Variants in SDCBP observed in about 807,000 individuals in gnomAD.
SDCBP encodes syndecan binding protein.
SDCBP carries 22 observed loss-of-function variants against 30.5 expected under a neutral mutation model. The observed-to-expected ratio is 0.72, with a 90% CI of 0.52 to 1.03. The LOEUF (loss-of-function observed/expected upper bound fraction) is 1.03. SDCBP is among the 50% of genes least tolerant of loss of function. The pLI, the probability that SDCBP is intolerant of heterozygous loss-of-function variation, is 0.00. For missense variants in SDCBP, 304 were observed against 369.9 expected, an observed-to-expected ratio of 0.82 and a Z score of 1.46; for synonymous variants, 103 against 118.7, an observed-to-expected ratio of 0.87 and a Z score of 0.86.
chr8:58,561,849 C>A, intron 1 of SDCBP: 2 of 643,274 alleles, frequency 3.1e-6, no homozygotes, highest in Non-Finnish European at 5.5e-6. Flanking sequence ...GTTTAAGTGC[C>A]TGTAACTATA....
chr8:58,581,542 A>T, intron 8 of SDCBP, 144 bp from the exon 9 acceptor site: 1 of 640,022 alleles, frequency 1.6e-6, no homozygotes. Flanking sequence ...TTCTGGACTC[A>T]TTTAAAAGAT....
intron 1 of SDCBP, among the ~76,000 whole-genome samples, chr8:58,557,216 T>C (rs1351870711): frequency 3.1e-5 from 4 of 127,796 alleles, no homozygotes; most frequent in African/African-American, 1.3e-4. Context: ...TTATATTATT[T>C]ATATATTCCA....
In SDCBP at chr8:58,579,626, CT is replaced by C. The variant is rs1805561119; in HGVS notation, c.585del (p.Phe195LeufsTer24). On this transcript the variant is annotated frameshift_variant, in exon 7 of 9. Coordinates refer to ENST00000260130, the MANE Select transcript of SDCBP (RefSeq NM_005625.4). LOFTEE classifies it high-confidence loss of function. ...ATTGAACCAATTATGTTTGTAGGCC[CT>C]TTGAACGGACGATTACCATGCATAA... ...KITMTIRDRPFERTITMHKDS... is the reference protein window; with the variant it reads ...KITMTIRDRPXERTITMHKDS... 5 of 1,562,418 alleles carry C rather than the reference CT, an allele frequency of 3.2e-6. No homozygotes were observed. The highest frequency in any genetic ancestry group is 4.3e-6 in the Non-Finnish European group (5 of 1,154,408).
chr8:58,574,767 T>C (rs1805229801), intron 4 of SDCBP, among the ~76,000 whole-genome samples: 1 of 152,210 alleles, frequency 6.6e-6, no homozygotes, highest in South Asian at 2.1e-4. Context: ...TACAACTTGA[T>C]GTATTGATAA....
At chr8:58,580,417 C>A in intron 7 of SDCBP, 100 bp from the exon 8 acceptor site, 1 of 642,746 alleles carries the variant, frequency 1.6e-6, no homozygotes. Flanking sequence ...TTAGAAATAC[C>A]AAGACATATA....
At chr8:58,572,177 C>A in intron 3 of SDCBP, 28 bp from the exon 4 acceptor site, 1 of 1,401,668 alleles carries the variant, frequency 7.1e-7, no homozygotes, top group Non-Finnish European at 1.0e-6. Context: ...TCTGTAAGTG[C>A]TTTTTAATTT....
At chr8:58,562,234 G>A in intron 1 of SDCBP, among the ~76,000 whole-genome samples, 1 of 151,816 alleles carries the variant, frequency 6.6e-6, no homozygotes, top group Admixed American at 6.6e-5. Flanking sequence ...AGACATAGAG[G>A]GGATGAATGG....
intron 4 of SDCBP, among the ~76,000 whole-genome samples, chr8:58,574,731 T>G (rs1016125916): frequency 4.6e-5 from 7 of 152,090 alleles, no homozygotes; most frequent in Non-Finnish European, 8.8e-5. Context: ...AAATATAAAT[T>G]GTATATATTC....
At chr8:58,577,861 C>G (rs113521425) in intron 5 of SDCBP, 172 bp from the exon 6 acceptor site, 10 of 496,230 alleles carry the variant, frequency 2.0e-5, no homozygotes, top group African/African-American at 8.1e-5. Flanking sequence ...TTTTCAGTTT[C>G]TTTTGAGGTG....
rs114132411 is a variant in SDCBP at position 58,565,748 on chromosome 8, G to T, written c.51+664G>T. Among the ~76,000 whole-genome samples, 855 of 152,110 alleles carry T rather than the reference G, an allele frequency of 5.6e-3. 9 individuals carry two copies. The highest frequency in any genetic ancestry group is 0.02 in the African/African-American group (829 of 41,520). On this transcript the variant is annotated intron_variant, in intron 2 of 8. Coordinates refer to ENST00000260130, the MANE Select transcript of SDCBP (RefSeq NM_005625.4). ...ATTGGGACCAATTCTGGCTAATTGG[G>T]AAATTTTTGGTAATTATTTTAATTG...
intron 1 of SDCBP, among the ~76,000 whole-genome samples, chr8:58,555,561 T>A (rs1217014043): frequency 2.6e-5 from 4 of 152,148 alleles, no homozygotes; most frequent in Non-Finnish European, 4.4e-5. Flanking sequence ...GAAATCTGTG[T>A]CTGCCCAGGA....
chr8:58,579,286 C>G (rs1805535177), intron 6 of SDCBP, among the ~76,000 whole-genome samples: 2 of 151,958 alleles, frequency 1.3e-5, no homozygotes, highest in African/African-American at 4.8e-5. Flanking sequence ...TTATCTTTAC[C>G]ACTGTGATTT....
At chr8:58,581,159 G>C (rs1422729933) in intron 8 of SDCBP, among the ~76,000 whole-genome samples, 1 of 152,208 alleles carries the variant, frequency 6.6e-6, no homozygotes, top group Non-Finnish European at 1.5e-5. Flanking sequence ...ATCTACCATA[G>C]CTGTTTTTGT....
chr8:58,574,261 A>G (rs1170288502), intron 4 of SDCBP, among the ~76,000 whole-genome samples: 1 of 152,224 alleles, frequency 6.6e-6, no homozygotes, highest in African/African-American at 2.4e-5. Context: ...GAATATTTTT[A>G]ATTTAAAGGC....
chr8:58,570,979 T>TAG lies in SDCBP; in HGVS notation c.130+14_130+15insAG, dbSNP rs750781869. 1.3e-6 allele frequency: 2 copies of TAG among 1,564,842 alleles called. No individual in the cohort carries two copies. Among genetic ancestry groups the TAG allele is most frequent in the Non-Finnish European group, 1.8e-6 (2 of 1,136,120 alleles). ...CTCACGATGGAAGTAGGTTTATACT[T>TAG]TGAGTTCATTCTCTGTGAACAGAAA... is the stretch of plus-strand genomic sequence containing the variant. On this transcript the variant is annotated intron_variant, in intron 3 of 8. Transcript: ENST00000260130.
intron 1 of SDCBP, among the ~76,000 whole-genome samples, chr8:58,557,308 TTA>T (rs946268039): frequency 7.6e-6 from 1 of 131,110 alleles, no homozygotes; most frequent in Non-Finnish European, 1.6e-5. Context: ...TTATATTTAA[TTA>T]TATATAAATA....
chr8:58,578,392 G>C (rs182856980), intron 6 of SDCBP, 184 bp downstream of exon 6: 1 of 449,760 alleles, frequency 2.2e-6, no homozygotes, highest in Non-Finnish European at 3.9e-6. Flanking sequence ...ATTCTGATAC[G>C]ATACCTTATT....
At chr8:58,566,681 T>C (rs901538358) in intron 2 of SDCBP, among the ~76,000 whole-genome samples, 8 of 152,232 alleles carry the variant, frequency 5.3e-5, no homozygotes, top group African/African-American at 1.9e-4. Context: ...TGTTTTGTTT[T>C]GTTTTTTTGC....
intron 1 of SDCBP, among the ~76,000 whole-genome samples, chr8:58,559,265 T>C (rs1039456160): frequency 6.6e-6 from 1 of 151,998 alleles, no homozygotes; most frequent in Non-Finnish European, 1.5e-5. Flanking sequence ...AATGACAGAA[T>C]CAAAAAAAGA....
Sources: allele counts gnomAD v4.1 joint callset (sites outside exome capture counted in the v4.1 genomes callset), GRCh38; gene constraint gnomAD v4.1.1; transcripts MANE v1.5; gene names NCBI Gene and HGNC (gene_info 2026-07-23, HGNC 2026-07-21).